The following ADCY8 variants were observed in gnomAD, a reference collection of about 807,000 sequenced individuals.
The protein encoded by ADCY8 is adenylate cyclase type 8.
In ADCY8, 51 loss-of-function variants were observed where a neutral mutation model predicts 119.7. That is an observed-to-expected ratio of 0.43 (90% CI 0.34 to 0.54). The LOEUF is 0.54. Among genes scored for constraint, ADCY8 ranks in the 20% least tolerant of loss-of-function variants. ADCY8 has a pLI of 0.03. For missense variants in ADCY8, 1,383 were observed against 1,598.8 expected (o/e 0.87, Z 2.30); for synonymous variants, 665 against 651.0 (o/e 1.02, Z -0.33).
chr8:130,882,321 A>T (rs1818806736), intron 8 of ADCY8, among the ~76,000 whole-genome samples: 1 of 152,100 alleles, frequency 6.6e-6, no homozygotes, highest in South Asian at 2.1e-4. Flanking sequence ...GGAACTGCAT[A>T]TTAATGCTAT....
chr8:130,963,372 C>G (rs547782707), intron 2 of ADCY8, among the ~76,000 whole-genome samples: 8 of 152,138 alleles, frequency 5.3e-5, no homozygotes, highest in Non-Finnish European at 7.3e-5. Context: ...TAACTGGTAC[C>G]TGAAGGACAG....
chr8:130,835,126 A>G (rs750185404), intron 12 of ADCY8, among the ~76,000 whole-genome samples: 1 of 152,046 alleles, frequency 6.6e-6, no homozygotes, highest in Non-Finnish European at 1.5e-5. Context: ...ACTGTTGGCC[A>G]CTTATTCTGG....
In ADCY8 at chr8:130,903,941, T is replaced by A; in HGVS notation, c.1742A>T (p.Asn581Ile). ...CTGCTTAATTAAGTAAGTTTCGATA[T>A]TATGCTTCCTCAGGAATTCATTCCT... ...KERNEFLRKH[N>I]IETYLIKQPE... is the part of the protein sequence containing the mutation. Residue 581 changes from asparagine (N) to isoleucine (I), a missense_variant, in exon 7 of 18, where the codon AAT becomes ATT. Transcript: ENST00000286355. 6.2e-7 allele frequency: 1 copy of A among 1,614,170 alleles called. No homozygotes were observed. The highest frequency in any genetic ancestry group is 8.5e-7 in the Non-Finnish European group (1 of 1,180,020).
At chr8:130,992,394 T>TATATGAGCAACTGTGCCTGGCAC (rs1822612651) in intron 1 of ADCY8, among the ~76,000 whole-genome samples, 1 of 117,760 alleles carries the variant, frequency 8.5e-6, no homozygotes, top group African/African-American at 4.0e-5. Flanking sequence ...TATATATATA[T>TATATGAGCAACTGTGCCTGGCAC]ATATATATAT....
chr8:130,926,360 G>A (rs577139404), intron 5 of ADCY8, among the ~76,000 whole-genome samples: 1 of 151,492 alleles, frequency 6.6e-6, no homozygotes, highest in East Asian at 1.9e-4. Context: ...TGTGCAAACA[G>A]CTCAGTAAAA....
At position 130,780,741 on chromosome 8, in the gene ADCY8, C is replaced by T; in HGVS notation, c.3405G>A (p.Glu1135=). The T allele has an allele frequency of 6.2e-7, 1 of 1,614,226 alleles. No individual in the cohort carries two copies. Among genetic ancestry groups the T allele is most frequent in the Non-Finnish European group, 8.5e-7 (1 of 1,180,032 alleles). ...CCTGGTCCTTCAGGATGAGATAGGT[C>T]TCCTCTGGGACTTGGATCCGGCCAC... ...GVSGRIQVPE[E]TYLILKDQGF... Residue 1135 remains glutamate (E), a synonymous_variant, in exon 18 of 18, where the codon GAG becomes GAA. Transcript: ENST00000286355.
At chr8:130,961,878 G>A (rs1341647879) in intron 2 of ADCY8, among the ~76,000 whole-genome samples, 1 of 152,128 alleles carries the variant, frequency 6.6e-6, no homozygotes, top group Non-Finnish European at 1.5e-5. Flanking sequence ...TGGGCAAATA[G>A]TTTCTAGGAT....
chr8:130,944,144 T>G (rs1468123447), intron 3 of ADCY8, among the ~76,000 whole-genome samples: 1 of 152,190 alleles, frequency 6.6e-6, no homozygotes, highest in African/African-American at 2.4e-5. Flanking sequence ...CCAGTTACTC[T>G]GTGGGGCAAG....
intron 1 of ADCY8, among the ~76,000 whole-genome samples, chr8:131,016,806 T>A (rs1302560106): frequency 6.6e-6 from 1 of 151,688 alleles, no homozygotes; most frequent in Non-Finnish European, 1.5e-5. Context: ...AGATGAGGAG[T>A]CCTTCTAGGT....
chr8:130,925,891 A>C (rs1399481529), intron 5 of ADCY8, among the ~76,000 whole-genome samples: 1 of 152,126 alleles, frequency 6.6e-6, no homozygotes, highest in African/African-American at 2.4e-5. Context: ...TAGTATGAGA[A>C]TATCCCCAAA....
At chr8:130,841,857 G>C (rs994411470) in intron 11 of ADCY8, among the ~76,000 whole-genome samples, 1 of 152,192 alleles carries the variant, frequency 6.6e-6, no homozygotes, top group Non-Finnish European at 1.5e-5. Context: ...AGCAACTGTA[G>C]CTCTTGGCAT....
chr8:131,022,118 ATC>A (rs1823688830), intron 1 of ADCY8, among the ~76,000 whole-genome samples: 1 of 150,930 alleles, frequency 6.6e-6, no homozygotes, highest in South Asian at 2.1e-4. Context: ...GTGCACACCA[ATC>A]TGTTTTTTTT....
chr8:130,900,134 A>T (rs1180620062), intron 7 of ADCY8, among the ~76,000 whole-genome samples: 1 of 152,196 alleles, frequency 6.6e-6, no homozygotes, highest in African/African-American at 2.4e-5. Context: ...GCACTTGTCA[A>T]GGGCCAGGGA....
At chr8:130,821,474 T>C in intron 12 of ADCY8, 54 bp from the exon 13 acceptor site, 1 of 1,355,558 alleles carries the variant, frequency 7.4e-7, no homozygotes, top group Non-Finnish European at 1.1e-6. Flanking sequence ...AGGAGACCTA[T>C]GAGAAAACTG....
At chr8:130,891,031 A>G (rs1338175753) in intron 7 of ADCY8, among the ~76,000 whole-genome samples, 1 of 152,128 alleles carries the variant, frequency 6.6e-6, no homozygotes, top group African/African-American at 2.4e-5. Context: ...GAGATGTCCT[A>G]ACCTTTCCCA....
At chr8:131,033,377 C>T (rs1824052543) in intron 1 of ADCY8, among the ~76,000 whole-genome samples, 1 of 152,076 alleles carries the variant, frequency 6.6e-6, no homozygotes, top group South Asian at 2.1e-4. Flanking sequence ...TGCTTGGTTT[C>T]ACTCATTTCT....
At chr8:130,838,552 G>T (rs1817056196) in intron 11 of ADCY8, among the ~76,000 whole-genome samples, 1 of 96,352 alleles carries the variant, frequency 1.0e-5, no homozygotes, top group Non-Finnish European at 2.8e-5. Context: ...AAGAGGACTA[G>T]ATCTGAGGGG....
At chr8:130,957,708 G>A (rs1048843501) in intron 2 of ADCY8, among the ~76,000 whole-genome samples, 7 of 151,798 alleles carry the variant, frequency 4.6e-5, no homozygotes, top group Non-Finnish European at 1.0e-4. Flanking sequence ...TAGGGACTTG[G>A]TGCCCTGTGT....
intron 6 of ADCY8, among the ~76,000 whole-genome samples, chr8:130,908,795 A>G (rs961148868): frequency 2.6e-5 from 4 of 152,168 alleles, no homozygotes; most frequent in African/African-American, 9.6e-5. Flanking sequence ...CTTGCTGAAG[A>G]TAATAGAGTT....
Sources: allele counts gnomAD v4.1 joint callset (sites outside exome capture counted in the v4.1 genomes callset), GRCh38; gene constraint gnomAD v4.1.1; transcripts MANE v1.5; gene names NCBI Gene and HGNC (gene_info 2026-07-23, HGNC 2026-07-21).